Variants in PABPC4L observed in about 807,000 individuals in gnomAD.
PABPC4L encodes the protein poly(A) binding protein cytoplasmic 4 like.
For synonymous variants in PABPC4L, 169 were observed against 164.1 expected (o/e 1.03, Z -0.23); for missense variants, 452 against 451.4 (o/e 1.00, Z -0.01).
chr4:134,100,566 G>A, the PABPC4L span, among the ~76,000 whole-genome samples: 4 of 151,542 alleles, frequency 2.6e-5, no homozygotes, highest in Admixed American at 6.6e-5. Context: ...GGGTGCACAC[G>A]CACATATTCT....
the PABPC4L span, among the ~76,000 whole-genome samples, chr4:134,018,036 G>A: frequency 6.6e-6 from 1 of 152,070 alleles, no homozygotes. Context: ...TACACATCCA[G>A]ATGGCCGGTT....
the PABPC4L span, among the ~76,000 whole-genome samples, chr4:134,035,047 A>G: frequency 6.6e-6 from 1 of 152,084 alleles, no homozygotes; most frequent in Non-Finnish European, 1.5e-5. Flanking sequence ...ACAGTCACTC[A>G]ATCTTCTGCA....
the PABPC4L span, among the ~76,000 whole-genome samples, chr4:134,012,841 G>C: frequency 1.1e-4 from 16 of 151,930 alleles, no homozygotes; most frequent in Non-Finnish European, 2.4e-4. Flanking sequence ...TTTCAGTCTT[G>C]GTGCCACACT....
At chr4:134,000,474 A>T in the PABPC4L span, among the ~76,000 whole-genome samples, 1 of 152,154 alleles carries the variant, frequency 6.6e-6, no homozygotes, top group Admixed American at 6.6e-5. Context: ...TTCTGGCAAT[A>T]TAAAAAGTTA....
In PABPC4L at chr4:134,199,704, C is replaced by G; in HGVS notation, c.*203G>C. On this transcript the variant is annotated 3_prime_UTR_variant, in exon 2 of 2. Transcript: ENST00000421491. ...TGCAATATTAAAATTAGAAAATGTG[C>G]CTCTGTAAAATGAACTAAGCTCCAT... 1.8e-6 allele frequency: 1 copy of G among 564,324 alleles called. No individual in the cohort carries two copies. Among genetic ancestry groups the G allele is most frequent in the Non-Finnish European group, 3.0e-6 (1 of 335,294 alleles). 35.0% of individuals were successfully genotyped at this position (564,324 alleles called of 1,614,324 possible).
chr4:134,164,012 C>G, the PABPC4L span, among the ~76,000 whole-genome samples: 1 of 151,652 alleles, frequency 6.6e-6, no homozygotes, highest in Non-Finnish European at 1.5e-5. Flanking sequence ...GCCTGTAATC[C>G]CAGCACTTTG....
the PABPC4L span, among the ~76,000 whole-genome samples, chr4:134,176,733 C>T: frequency 1.3e-5 from 2 of 152,022 alleles, no homozygotes; most frequent in African/African-American, 2.4e-5. Context: ...GGGCTCAACA[C>T]GAAGCCAGGA....
At chr4:133,964,922 C>A in the PABPC4L span, among the ~76,000 whole-genome samples, 1 of 152,108 alleles carries the variant, frequency 6.6e-6, no homozygotes. Context: ...CAAGGATACT[C>A]ATTTTCACCA....
At chr4:134,012,632 G>A in the PABPC4L span, among the ~76,000 whole-genome samples, 1 of 152,168 alleles carries the variant, frequency 6.6e-6, no homozygotes, top group African/African-American at 2.4e-5. Context: ...ATTTGGTGCT[G>A]TGACTTGGAT....
chr4:134,040,092 T>C, the PABPC4L span, among the ~76,000 whole-genome samples: 1 of 151,716 alleles, frequency 6.6e-6, no homozygotes, highest in Non-Finnish European at 1.5e-5. Flanking sequence ...GAAAAACATG[T>C]CATGCTCATG....
the PABPC4L span, among the ~76,000 whole-genome samples, chr4:134,097,443 A>G: frequency 2.0e-5 from 3 of 151,966 alleles, no homozygotes; most frequent in South Asian, 6.2e-4. Flanking sequence ...CAGACCAATC[A>G]ACTACCTCAG....
chr4:134,190,797 GCACCT>G, the PABPC4L span, among the ~76,000 whole-genome samples: 1 of 151,986 alleles, frequency 6.6e-6, no homozygotes, highest in Non-Finnish European at 1.5e-5. Context: ...AGTTACAGGT[GCACCT>G]CACCACGCCT....
the PABPC4L span, among the ~76,000 whole-genome samples, chr4:134,181,325 T>G: frequency 6.6e-6 from 1 of 151,930 alleles, no homozygotes; most frequent in African/African-American, 2.4e-5. Context: ...TAATATCCCT[T>G]TATGTTAAAT....
chr4:133,954,697 T>G, the PABPC4L span, among the ~76,000 whole-genome samples: 1 of 152,120 alleles, frequency 6.6e-6, no homozygotes, highest in African/African-American at 2.4e-5. Context: ...ACATTTACAT[T>G]TATATAAAAT....
At chr4:133,995,767 T>C in the PABPC4L span, among the ~76,000 whole-genome samples, 1 of 152,150 alleles carries the variant, frequency 6.6e-6, no homozygotes, top group Non-Finnish European at 1.5e-5. Flanking sequence ...GGCCACTTGA[T>C]TCTGGTTGGC....
the PABPC4L span, among the ~76,000 whole-genome samples, chr4:134,080,028 C>T: frequency 2.0e-5 from 3 of 151,752 alleles, no homozygotes; most frequent in Non-Finnish European, 4.4e-5. Context: ...AACCTACAGA[C>T]ATACTATGCT....
At chr4:134,003,032 T>C in the PABPC4L span, among the ~76,000 whole-genome samples, 1 of 151,934 alleles carries the variant, frequency 6.6e-6, no homozygotes, top group Non-Finnish European at 1.5e-5. Flanking sequence ...CAGAGGTATA[T>C]ATTGCATGAA....
At chr4:134,084,669 A>G in the PABPC4L span, among the ~76,000 whole-genome samples, 2 of 152,166 alleles carry the variant, frequency 1.3e-5, 1 homozygote, top group Admixed American at 1.3e-4. Flanking sequence ...GAATAAAAGG[A>G]AAGAAAAGAG....
the PABPC4L span, among the ~76,000 whole-genome samples, chr4:134,115,067 A>G: frequency 1.3e-5 from 2 of 151,802 alleles, no homozygotes; most frequent in African/African-American, 4.8e-5. Context: ...TCTTGCTTAC[A>G]TCTCCTTGCT....
Sources: allele counts gnomAD v4.1 joint callset (sites outside exome capture counted in the v4.1 genomes callset), GRCh38; gene constraint gnomAD v4.1.1; transcripts MANE v1.5; gene names NCBI Gene and HGNC (gene_info 2026-07-23, HGNC 2026-07-21).